COL5A2: variants seen among roughly 807,000 people sequenced by gnomAD.
COL5A2 encodes the protein collagen type V alpha 2 chain.
COL5A2 carries 23 observed loss-of-function variants against 208.2 expected under a neutral mutation model. The ratio of observed to expected loss-of-function variants is 0.11; its 90% confidence interval spans 0.08 to 0.16. The LOEUF (loss-of-function observed/expected upper bound fraction) is 0.16, where lower values mean the gene tolerates loss of function less well. Among genes scored for constraint, COL5A2 ranks in the 10% least tolerant of loss-of-function variants. The pLI is 1.00. For missense variants in COL5A2, 1,590 were observed against 1,956.4 expected (o/e 0.81, Z 3.53); for synonymous variants, 625 against 628.5 (o/e 0.99, Z 0.08).
chr2:189,306,380 C>T, the COL5A2 span, among the ~76,000 whole-genome samples: 1 of 152,274 alleles, frequency 6.6e-6, no homozygotes, highest in Non-Finnish European at 1.5e-5. Context: ...TATTTTCTCC[C>T]AATTCTTTCC....
the COL5A2 span, among the ~76,000 whole-genome samples, chr2:189,349,095 A>G: frequency 6.6e-6 from 1 of 152,160 alleles, no homozygotes; most frequent in Non-Finnish European, 1.5e-5. Flanking sequence ...CATATTTTGG[A>G]TCACATCCCC....
At chr2:189,187,968 C>CAAAAAAA (rs71020986) in intron 1 of COL5A2, among the ~76,000 whole-genome samples, 80,820 of 138,556 alleles carry the variant, frequency 0.58, 24,230 homozygotes, top group East Asian at 0.71. Context: ...GACTCTGTCT[C>CAAAAAAA]AAAAAAAAAA....
intron 3 of COL5A2, among the ~76,000 whole-genome samples, chr2:189,100,726 C>T (rs1219140677): frequency 6.6e-6 from 1 of 151,394 alleles, no homozygotes; most frequent in East Asian, 1.9e-4. Context: ...ATTCTCAATA[C>T]CTGAAGAAAA....
chr2:189,038,155 T>C (rs948233508), intron 51 of COL5A2, among the ~76,000 whole-genome samples: 1 of 152,104 alleles, frequency 6.6e-6, no homozygotes, highest in African/African-American at 2.4e-5. Flanking sequence ...TAGTATCCAA[T>C]AGGTAATTTC....
intron 1 of COL5A2, among the ~76,000 whole-genome samples, chr2:189,219,838 C>T (rs1474848610): frequency 2.0e-5 from 3 of 150,676 alleles, no homozygotes; most frequent in Non-Finnish European, 2.9e-5. Context: ...GAACCAGGGA[C>T]AGCTTCACGG....
At chr2:189,082,913 A>G (rs898620130) in intron 12 of COL5A2, among the ~76,000 whole-genome samples, 1 of 152,208 alleles carries the variant, frequency 6.6e-6, no homozygotes, top group African/African-American at 2.4e-5. Context: ...ATCGAGGAGG[A>G]AAGAAAGCAG....
intron 1 of COL5A2, among the ~76,000 whole-genome samples, chr2:189,196,394 C>G (rs1689000905): frequency 6.8e-6 from 1 of 146,652 alleles, no homozygotes; most frequent in Non-Finnish European, 1.5e-5. Flanking sequence ...ATTTATTCTG[C>G]TTGACATTTT....
At chr2:189,356,558 T>G in the COL5A2 span, among the ~76,000 whole-genome samples, 3 of 152,330 alleles carry the variant, frequency 2.0e-5, no homozygotes, top group East Asian at 5.8e-4. Context: ...CTTCATGAAG[T>G]TCTCATACTG....
At chr2:189,087,680 A>G (rs1020453791) in intron 8 of COL5A2, among the ~76,000 whole-genome samples, 3 of 150,054 alleles carry the variant, frequency 2.0e-5, no homozygotes, top group African/African-American at 7.4e-5. Context: ...TGTTAGCCAG[A>G]ATGGTCTCAA....
intron 52 of COL5A2, among the ~76,000 whole-genome samples, chr2:189,035,560 T>G (rs1211080067): frequency 6.6e-6 from 1 of 151,272 alleles, no homozygotes; most frequent in African/African-American, 2.4e-5. Context: ...ATTAAAAGTT[T>G]TCCATGTGCT....
At chr2:189,236,604 G>A in the COL5A2 span, among the ~76,000 whole-genome samples, 1 of 151,660 alleles carries the variant, frequency 6.6e-6, no homozygotes, top group Non-Finnish European at 1.5e-5. Context: ...CAATTTACTT[G>A]ATGACCAAAT....
At chr2:189,084,266 G>T (rs2105646445) in intron 11 of COL5A2, among the ~76,000 whole-genome samples, 1 of 152,110 alleles carries the variant, frequency 6.6e-6, no homozygotes, top group South Asian at 2.1e-4. Context: ...TTACCCAGAA[G>T]AATAAATTGT....
Position 189,039,520 on chromosome 2 carries a change from G to T in COL5A2, c.3677C>A (p.Pro1226His). 2 of 1,613,956 alleles carry T rather than the reference G, an allele frequency of 1.2e-6. No individual in the cohort carries two copies. The highest frequency in any genetic ancestry group is 1.7e-6 in the Non-Finnish European group (2 of 1,179,960). Residue 1226 changes from proline to histidine, a missense_variant, in exon 51 of 54, where the codon CCT becomes CAT. Coordinates refer to ENST00000374866, the MANE Select transcript of COL5A2 (RefSeq NM_000393.5). The part of the protein sequence containing the change: ...EPGPPGPPGP[P>H]GHLTAALGDI... ...CCCAAGAGCAGCTGTAAGGTGGCCAGGGGGACCCGGAGGGCCAGGTGGGCC... is the reference window on the plus strand; with the variant it reads ...CCCAAGAGCAGCTGTAAGGTGGCCATGGGGACCCGGAGGGCCAGGTGGGCC...
chr2:189,098,610 A>T, intron 5 of COL5A2, 117 bp downstream of exon 5: 1 of 846,686 alleles, frequency 1.2e-6, no homozygotes, highest in Non-Finnish European at 2.0e-6. Context: ...AAAATGTTTT[A>T]AGAGACCAAG....
intron 4 of COL5A2, among the ~76,000 whole-genome samples, chr2:189,099,041 T>C (rs1299985292): frequency 6.6e-6 from 1 of 152,348 alleles, no homozygotes; most frequent in Non-Finnish European, 1.5e-5. Context: ...TGTGTGACTT[T>C]GGACTAATTA....
At chr2:189,231,469 C>T in the COL5A2 span, among the ~76,000 whole-genome samples, 3 of 151,602 alleles carry the variant, frequency 2.0e-5, no homozygotes, top group Non-Finnish European at 4.4e-5. Flanking sequence ...ACACCCGGTG[C>T]CTTTGATCCT....
At chr2:189,327,482 A>G in the COL5A2 span, among the ~76,000 whole-genome samples, 1 of 152,120 alleles carries the variant, frequency 6.6e-6, no homozygotes, top group African/African-American at 2.4e-5. Flanking sequence ...AGATTGAAGA[A>G]AGGAGGAAAA....
intron 50 of COL5A2, among the ~76,000 whole-genome samples, chr2:189,039,848 G>T (rs188683287): frequency 5.3e-5 from 8 of 152,188 alleles, no homozygotes; most frequent in African/African-American, 1.7e-4. Context: ...TTACCTTGAA[G>T]ATACAACATA....
At chr2:189,288,366 T>A in the COL5A2 span, among the ~76,000 whole-genome samples, 1 of 152,192 alleles carries the variant, frequency 6.6e-6, no homozygotes, top group Non-Finnish European at 1.5e-5. Context: ...GAATGATGTA[T>A]TTTCTTAACT....
Sources: gnomAD v4.1 joint callset for allele counts (sites outside exome capture counted in the v4.1 genomes callset) on GRCh38, gnomAD v4.1.1 for gene constraint, MANE v1.5 for transcripts, NCBI Gene and HGNC (gene_info 2026-07-23, HGNC 2026-07-21) for gene names.